The following DKK3 variants were observed in gnomAD, a reference collection of about 807,000 sequenced individuals.
DKK3 encodes the protein dickkopf Wnt signaling pathway inhibitor 3.
Under a neutral mutation model 33.2 loss-of-function variants are expected in DKK3, and 22 were observed. The ratio of observed to expected loss-of-function variants is 0.66; its 90% CI spans 0.47 to 0.95. The LOEUF (loss-of-function observed/expected upper bound fraction) is 0.95. Among genes scored for constraint, DKK3 ranks in the 40% least tolerant of loss-of-function variants. The pLI is 0.00. For synonymous variants in DKK3, 194 were observed against 188.8 expected (o/e 1.03, Z -0.23); for missense variants, 398 against 458.4 (o/e 0.87, Z 1.20).
chr11:11,968,686 G>C (rs1012347130), intron 3 of DKK3, 199 bp from the exon 4 acceptor site: 29 of 506,402 alleles, frequency 5.7e-5, no homozygotes, highest in African/African-American at 4.0e-5. Context: ...TGCCTAGGAG[G>C]CTTGGCAGCC....
chr11:11,978,420 CTCTTCCTCTTCT>C (rs1045217858), intron 3 of DKK3, among the ~76,000 whole-genome samples: 1 of 150,662 alleles, frequency 6.6e-6, no homozygotes, highest in African/African-American at 2.5e-5. Flanking sequence ...CTTCTTCTTC[CTCTTCCTCTTCT>C]TCTTCCTCTT....
chr11:11,980,226 G>C (rs1047054580), intron 3 of DKK3, among the ~76,000 whole-genome samples: 1 of 152,252 alleles, frequency 6.6e-6, no homozygotes, highest in Non-Finnish European at 1.5e-5. Context: ...GGAAAGAGAT[G>C]TTCCTCAACC....
chr11:12,009,303 C>G, upstream of DKK3: 1 of 983,270 alleles, frequency 1.0e-6, no homozygotes, highest in Non-Finnish European at 1.2e-6. Flanking sequence ...CGGCGGGGTG[C>G]GGCAGCGCCG....
At chr11:11,987,719 T>C (rs771974902) in intron 3 of DKK3, among the ~76,000 whole-genome samples, 1 of 152,248 alleles carries the variant, frequency 6.6e-6, no homozygotes, top group Admixed American at 6.5e-5. Flanking sequence ...CTCAGTGATA[T>C]ACTGTTTTAC....
intron 1 of DKK3, among the ~76,000 whole-genome samples, chr11:12,002,778 G>C (rs1848457506): frequency 6.6e-6 from 1 of 152,176 alleles, no homozygotes. Flanking sequence ...CTTGCTCCCT[G>C]TGTAAACGCT....
At chr11:11,997,820 CCTAA>C (rs1231629248) in intron 3 of DKK3, among the ~76,000 whole-genome samples, 1 of 152,204 alleles carries the variant, frequency 6.6e-6, no homozygotes, top group African/African-American at 2.4e-5. Context: ...ACACCACCTT[CCTAA>C]CTGTCATCCA....
intron 3 of DKK3, among the ~76,000 whole-genome samples, chr11:11,977,998 A>G (rs899156272): frequency 2.0e-5 from 3 of 152,272 alleles, no homozygotes; most frequent in Non-Finnish European, 2.9e-5. Context: ...GTTGAATCTC[A>G]GATAAACAAT....
chr11:11,987,776 C>G (rs1027752477), intron 3 of DKK3, among the ~76,000 whole-genome samples: 3 of 152,328 alleles, frequency 2.0e-5, no homozygotes, highest in Non-Finnish European at 4.4e-5. Flanking sequence ...GCTTTTTCAT[C>G]TGTTTGGTCT....
At position 11,971,029 on chromosome 11, in the gene DKK3, ATT is replaced by A. The variant is rs35525674; in HGVS notation, c.436-2544_436-2543del. Among the ~76,000 whole-genome samples, 374 of 138,744 alleles carry A rather than the reference ATT, an allele frequency of 2.7e-3. 2 individuals are homozygous for A. The highest frequency in any genetic ancestry group is 8.0e-3 in the African/African-American group (305 of 37,960). 91.0% of individuals were successfully genotyped at this position (138,744 alleles called of 152,430 possible). ...TGCTTTGGGGTAATTAAAATTGAAG[ATT>A]TTTTTTTTTTTTTTTTGCAGGCAAT... is the stretch of plus-strand genomic sequence containing the variant. On this transcript the variant is annotated intron_variant, in intron 3 of 6. Coordinates refer to ENST00000683431, the MANE Select transcript of DKK3 (RefSeq NM_001018057.2).
intron 3 of DKK3, among the ~76,000 whole-genome samples, chr11:11,969,032 T>C (rs61871873): frequency 6.6e-6 from 1 of 151,988 alleles, no homozygotes; most frequent in African/African-American, 2.4e-5. Flanking sequence ...AGCTGCCAGC[T>C]TGGAAATGAA....
chr11:12,002,318 C>T lies in DKK3; in HGVS notation c.333G>A (p.Val111=). ...DTKVGNNTIH[V]HREIHKITNN... ...GACTTACCTTGTGAATTTCTCGGTGCACATGGATGGTATTATTTCCAACCT... is the reference window on the plus strand; with the variant it reads ...GACTTACCTTGTGAATTTCTCGGTGTACATGGATGGTATTATTTCCAACCT... The change falls in exon 2 of 7, where the codon GTG becomes GTA. Residue 111 remains valine, a synonymous_variant. Transcript: ENST00000683431. The T allele has an allele frequency of 1.2e-6, 2 of 1,613,572 alleles. No homozygotes were observed. The highest frequency in any genetic ancestry group is 1.7e-6 in the Non-Finnish European group (2 of 1,179,746).
chr11:11,967,107 A>T lies in DKK3; in HGVS notation c.529-9T>A. On this transcript the variant is annotated splice_polypyrimidine_tract_variant and intron_variant, in intron 4 of 6. Transcript: ENST00000683431. ...CTGTCCCGGGTGCAGAGCTGCAGAC[A>T]GGTGGAAAGAGCCTAGAGCCAGCGG... is the stretch of plus-strand genomic sequence containing the variant. The T allele has an allele frequency of 6.2e-7, 1 of 1,612,514 alleles. No homozygotes were observed. The highest frequency in any genetic ancestry group is 8.5e-7 in the Non-Finnish European group (1 of 1,179,432).
At chr11:12,004,779 C>T (rs1848503142) in intron 1 of DKK3, among the ~76,000 whole-genome samples, 1 of 152,188 alleles carries the variant, frequency 6.6e-6, no homozygotes, top group African/African-American at 2.4e-5. Flanking sequence ...AGATGAAATA[C>T]ACAGCTGTTT....
chr11:11,998,519 A>G, intron 3 of DKK3, 177 bp downstream of exon 3: 1 of 678,062 alleles, frequency 1.5e-6, no homozygotes. Context: ...GGCGTAACCT[A>G]TTACTGGACT....
intron 3 of DKK3, among the ~76,000 whole-genome samples, chr11:11,969,358 C>T (rs1847675045): frequency 6.6e-6 from 1 of 152,170 alleles, no homozygotes; most frequent in Admixed American, 6.5e-5. Context: ...ATTGATCGCC[C>T]TTTTGAGGTA....
intron 3 of DKK3, among the ~76,000 whole-genome samples, chr11:11,994,419 C>T (rs949148825): frequency 2.0e-5 from 3 of 152,142 alleles, no homozygotes; most frequent in Non-Finnish European, 2.9e-5. Context: ...CTTCAAACTT[C>T]TTCATTCTGC....
rs1002863633 is a variant in DKK3 at position 12,008,127 on chromosome 11, G to A, written c.213+243C>T. On this transcript the variant is annotated intron_variant, in intron 1 of 6. Transcript: ENST00000683431. This position sits in a 1 kb window ranked among gnomAD's most constrained non-coding sequence, Gnocchi z 4.6. Reference sequence around the variant, plus strand: ...GGTGGTGGCCCCAGCTACCTAGGGAGGGTCCAGTGCAGAGCCTCTCGGTGG... The same window carrying A: ...GGTGGTGGCCCCAGCTACCTAGGGAAGGTCCAGTGCAGAGCCTCTCGGTGG... Among the ~76,000 whole-genome samples, 1 of 152,036 alleles carries A rather than the reference G, an allele frequency of 6.6e-6. No homozygotes were observed.
chr11:11,975,893 T>A (rs1847823082), intron 3 of DKK3, among the ~76,000 whole-genome samples: 1 of 152,206 alleles, frequency 6.6e-6, no homozygotes, highest in Non-Finnish European at 1.5e-5. Flanking sequence ...TCGGTTCTAA[T>A]ACACGTTCAC....
chr11:11,973,687 C>T (rs965713026), intron 3 of DKK3, among the ~76,000 whole-genome samples: 5 of 152,202 alleles, frequency 3.3e-5, no homozygotes, highest in Non-Finnish European at 5.9e-5. Context: ...GAGGGCTGAC[C>T]GGGAACACAG....
Sources: allele counts gnomAD v4.1 joint callset (sites outside exome capture counted in the v4.1 genomes callset), GRCh38; gene constraint gnomAD v4.1.1; non-coding constraint Gnocchi (gnomAD v3.1); transcripts MANE v1.5; gene names NCBI Gene and HGNC (gene_info 2026-07-23, HGNC 2026-07-21).